The following IPO8 variants were observed in gnomAD, a reference collection of about 807,000 sequenced individuals.
The protein encoded by IPO8 is importin 8, also known as importin-8.
IPO8 carries 65 observed loss-of-function variants against 141.2 expected under a neutral mutation model. The observed-to-expected ratio is 0.46, with a 90% confidence interval of 0.38 to 0.57. The LOEUF is 0.57. IPO8 is among the 20% of genes least tolerant of loss of function. The probability of loss-of-function intolerance (pLI) is 0.00; values close to 1 mark genes in which losing one functional copy is unlikely to be tolerated. For synonymous variants in IPO8, 411 were observed against 420.3 expected (o/e 0.98, Z 0.27); for missense variants, 980 against 1,246.8 (o/e 0.79, Z 3.22).
chr12:30,632,204 C>T (rs1359946328), intron 23 of IPO8, among the ~76,000 whole-genome samples, 193 bp from the exon 24 acceptor site: 1 of 152,158 alleles, frequency 6.6e-6, no homozygotes, highest in Non-Finnish European at 1.5e-5. Context: ...TAGTACCCAG[C>T]TATGTGGGAA....
chr12:30,687,782 G>T (rs2053256483), intron 2 of IPO8, among the ~76,000 whole-genome samples: 1 of 152,128 alleles, frequency 6.6e-6, no homozygotes, highest in African/African-American at 2.4e-5. Context: ...ACTCTGCAAT[G>T]CTGACGTCAA....
At chr12:30,641,238 G>A (rs1445974892) in intron 20 of IPO8, among the ~76,000 whole-genome samples, 2 of 152,192 alleles carry the variant, frequency 1.3e-5, no homozygotes, top group Non-Finnish European at 1.5e-5. Context: ...GTTACTTAGC[G>A]TAGAAGGCAA....
At chr12:30,673,783 C>CCACCAGA (rs1214167861) in intron 8 of IPO8, among the ~76,000 whole-genome samples, 1 of 152,164 alleles carries the variant, frequency 6.6e-6, no homozygotes, top group Non-Finnish European at 1.5e-5. Flanking sequence ...CTGGTGGTGG[C>CCACCAGA]TGTCTCGGGA....
intron 16 of IPO8, among the ~76,000 whole-genome samples, chr12:30,658,180 AATATGCTTAAAACCATTAAACAAAAATGC>A (rs2052828217): frequency 6.6e-6 from 1 of 152,226 alleles, no homozygotes; most frequent in East Asian, 1.9e-4. Context: ...AAAAACTGTC[AATATGCTTAAAACCATTAAACAAAAATGC>A]ATATGCTTAA....
intron 12 of IPO8, 29 bp downstream of exon 12, chr12:30,665,700 T>C (rs557290520): frequency 8.1e-6 from 11 of 1,352,764 alleles, no homozygotes; most frequent in Middle Eastern, 1.8e-4. Context: ...ACAATGTTAT[T>C]AAGTAAATTA....
chr12:30,666,570 C>T (rs1363761538), intron 10 of IPO8, among the ~76,000 whole-genome samples: 1 of 152,178 alleles, frequency 6.6e-6, no homozygotes, highest in African/African-American at 2.4e-5. Context: ...TCACTCAGCT[C>T]TTACTATGTG....
At chr12:30,644,299 A>C (rs2052611604) in intron 20 of IPO8, among the ~76,000 whole-genome samples, 1 of 151,796 alleles carries the variant, frequency 6.6e-6, no homozygotes, top group Admixed American at 6.6e-5. Flanking sequence ...TGGGCCCAGG[A>C]ATTTGAGGTT....
At chr12:30,678,315 G>C (rs930634704) in intron 5 of IPO8, among the ~76,000 whole-genome samples, 10 of 152,042 alleles carry the variant, frequency 6.6e-5, no homozygotes, top group African/African-American at 2.4e-4. Context: ...GCAACTTCCA[G>C]TCCTGCAAGT....
At chr12:30,694,977 C>T (rs2053323527) in intron 1 of IPO8, 1 of 455,866 alleles carries the variant, frequency 2.2e-6, no homozygotes, top group African/African-American at 2.0e-5. Context: ...ACACATCTTA[C>T]TTTGATGTGT....
chr12:30,635,784 T>C (rs2136124338), intron 22 of IPO8, among the ~76,000 whole-genome samples: 1 of 152,090 alleles, frequency 6.6e-6, no homozygotes, highest in East Asian at 1.9e-4. Context: ...CACGAAAAAA[T>C]GCATGGCAAA....
chr12:30,634,349 C>T (rs879046440), intron 22 of IPO8, 63 bp from the exon 23 acceptor site: 29 of 1,344,830 alleles, frequency 2.2e-5, no homozygotes, highest in South Asian at 1.5e-4. Flanking sequence ...TAAAACTTCA[C>T]GACAAAAACC....
chr12:30,654,074 A>G (rs1011667635), intron 17 of IPO8, among the ~76,000 whole-genome samples: 11 of 152,092 alleles, frequency 7.2e-5, no homozygotes, highest in Non-Finnish European at 1.5e-4. Flanking sequence ...TTAATTTTCA[A>G]CAAAGATGCT....
intron 1 of IPO8, among the ~76,000 whole-genome samples, chr12:30,693,862 A>AACTACCG (rs2053313499): frequency 6.6e-6 from 1 of 152,102 alleles, no homozygotes; most frequent in Non-Finnish European, 1.5e-5. Flanking sequence ...ATTTGGATTG[A>AACTACCG]ACTACCATCA....
intron 10 of IPO8, among the ~76,000 whole-genome samples, chr12:30,668,923 G>A (rs112495443): frequency 2.0e-5 from 3 of 152,214 alleles, no homozygotes; most frequent in African/African-American, 7.2e-5. Context: ...GATCAGCATC[G>A]CAACAGCATA....
intron 22 of IPO8, among the ~76,000 whole-genome samples, chr12:30,635,679 T>C (rs1381165978): frequency 1.3e-5 from 2 of 152,064 alleles, no homozygotes; most frequent in Non-Finnish European, 2.9e-5. Context: ...AATATTAACC[T>C]AAAACTAGTT....
In IPO8 at chr12:30,629,398, A is replaced by C. The variant is rs1176489179; in HGVS notation, c.*1462T>G. The C allele has an allele frequency of 1.3e-5, 2 of 152,206 alleles. No individual in the cohort carries two copies. Among genetic ancestry groups the C allele is most frequent in the Non-Finnish European group, 2.9e-5 (2 of 68,050 alleles). The allele number at this position is 152,206 out of a possible 1,614,324, so 9.4% of individuals were successfully genotyped here. ...GGAAAGCAGGGGGTCACTGAACTCC[A>C]AAACTCATGGTTTTCCAGGCTACTT... On this transcript the variant is annotated 3_prime_UTR_variant, in exon 25 of 25. Transcript: ENST00000256079.
intron 9 of IPO8, among the ~76,000 whole-genome samples, chr12:30,670,596 T>G (rs11051017): frequency 0.064 from 9,788 of 152,238 alleles, 420 homozygotes; most frequent in African/African-American, 0.12. Context: ...AACACTACCT[T>G]AGTAGAGCCC....
chr12:30,667,995 G>A (rs1446270025), intron 10 of IPO8, among the ~76,000 whole-genome samples: 1 of 152,064 alleles, frequency 6.6e-6, no homozygotes, highest in Non-Finnish European at 1.5e-5. Context: ...GCCAGGTGTG[G>A]TGGCACATGC....
At chr12:30,679,428 A>G (rs185671512) in intron 5 of IPO8, among the ~76,000 whole-genome samples, 115 of 152,228 alleles carry the variant, frequency 7.6e-4, no homozygotes, top group African/African-American at 2.7e-3. Flanking sequence ...TTACTTCCCA[A>G]TTTCTAGCTG....
Sources: allele counts gnomAD v4.1 joint callset (sites outside exome capture counted in the v4.1 genomes callset), GRCh38; gene constraint gnomAD v4.1.1; transcripts MANE v1.5; gene names NCBI Gene and HGNC (gene_info 2026-07-23, HGNC 2026-07-21).